DNAH11: variants seen among roughly 807,000 people sequenced by gnomAD.
DNAH11 encodes axonemal beta dynein heavy chain 11.
In DNAH11, 442 loss-of-function variants were observed where a neutral mutation model predicts 526.0. The observed-to-expected ratio is 0.84, with a 90% CI of 0.78 to 0.91. The LOEUF (loss-of-function observed/expected upper bound fraction) is 0.91. Among genes scored for constraint, DNAH11 ranks in the 40% least tolerant of loss-of-function variants. The pLI is 0.00. For synonymous variants in DNAH11, 2,461 were observed against 1,935.9 expected, an observed-to-expected ratio of 1.27 and a Z score of -7.12; for missense variants, 6,989 against 5,448.7, an observed-to-expected ratio of 1.28 and a Z score of -8.90.
At chr7:21,751,155 C>T (rs756873808) in intron 54 of DNAH11, among the ~76,000 whole-genome samples, 6 of 152,110 alleles carry the variant, frequency 3.9e-5, no homozygotes, top group South Asian at 2.1e-4. Flanking sequence ...GAAACCCCAT[C>T]TCTACTAAAA....
intron 7 of DNAH11, 29 bp from the exon 8 acceptor site, chr7:21,571,777 G>T: frequency 6.4e-7 from 1 of 1,561,874 alleles, no homozygotes; most frequent in African/African-American, 1.4e-5. Context: ...CAATGTAGTG[G>T]AAAGGTCTTT....
chr7:21,600,008 A>G lies in DNAH11; in HGVS notation c.2889A>G (p.Arg963=). The change falls in exon 15 of 82, where the codon AGA becomes AGG. Residue 963 remains arginine, a synonymous_variant. Transcript: ENST00000409508. The stretch of plus-strand genomic sequence containing the variant: ...TTGTGTTTAAACCTTCCCTAGACAG[A>G]GAGGCTGGGGATGGCTTCTATGATC... ...PEIVFKPSLD[R]EAGDGFYDLV... 1 of 1,613,446 alleles carries G rather than the reference A, an allele frequency of 6.2e-7. No individual in the cohort carries two copies. Among genetic ancestry groups the G allele is most frequent in the Non-Finnish European group, 8.5e-7 (1 of 1,179,586 alleles).
chr7:21,798,025 T>C (rs1456593031), intron 61 of DNAH11, among the ~76,000 whole-genome samples: 2 of 152,098 alleles, frequency 1.3e-5, no homozygotes, highest in Non-Finnish European at 2.9e-5. Flanking sequence ...CATGAGAAAA[T>C]GTAAAGCTCA....
At chr7:21,548,326 C>T (rs1427727350) in intron 2 of DNAH11, among the ~76,000 whole-genome samples, 5 of 152,090 alleles carry the variant, frequency 3.3e-5, no homozygotes, top group African/African-American at 9.7e-5. Flanking sequence ...CCTTTGAGGG[C>T]GTTCTTAGTA....
chr7:21,642,841 A>T (rs1187441927), intron 28 of DNAH11, among the ~76,000 whole-genome samples: 4 of 152,092 alleles, frequency 2.6e-5, no homozygotes. Flanking sequence ...TTCTGCAAGC[A>T]GAAACCCCCA....
intron 14 of DNAH11, among the ~76,000 whole-genome samples, 197 bp from the exon 15 acceptor site, chr7:21,599,590 A>T (rs1187766244): frequency 6.6e-6 from 1 of 152,234 alleles, no homozygotes; most frequent in Non-Finnish European, 1.5e-5. Context: ...AATGTATTTC[A>T]TGTGTGAACT....
chr7:21,681,141 T>C (rs973543298), intron 30 of DNAH11, among the ~76,000 whole-genome samples: 2 of 152,080 alleles, frequency 1.3e-5, no homozygotes, highest in Non-Finnish European at 2.9e-5. Context: ...TGAAATTGTT[T>C]TGTGGCCAGG....
chr7:21,782,404 T>TA (rs1787984222), intron 57 of DNAH11, among the ~76,000 whole-genome samples: 1 of 152,236 alleles, frequency 6.6e-6, no homozygotes, highest in African/African-American at 2.4e-5. Context: ...TACTGAGATA[T>TA]ACAGAATTTT....
At chr7:21,789,892 C>CTTT (rs1312877014) in intron 61 of DNAH11, among the ~76,000 whole-genome samples, 3 of 138,896 alleles carry the variant, frequency 2.2e-5, no homozygotes, top group African/African-American at 8.3e-5. Context: ...TTCTTTCTTT[C>CTTT]CTTTCCCCTC....
chr7:21,787,702 A>C, intron 60 of DNAH11, 119 bp downstream of exon 60: 1 of 866,978 alleles, frequency 1.2e-6, no homozygotes, highest in Non-Finnish European at 1.7e-6. Context: ...AAGGATATGT[A>C]GTTCTAAGAC....
chr7:21,601,621 A>AATATAATTC lies in DNAH11; in HGVS notation c.3648+4_3648+5insTATAATTCA. ...AGCAGGTCTATATTCAGCTAGAGGT[A>AATATAATTC]AGTGCAGAGGTGAAATAATCATAAT... On this transcript the variant is annotated splice_donor_region_variant and intron_variant, in intron 18 of 81. Coordinates refer to ENST00000409508, the MANE Select transcript of DNAH11 (RefSeq NM_001277115.2). 1 of 1,561,272 alleles carries AATATAATTC rather than the reference A, an allele frequency of 6.4e-7. No individual in the cohort carries two copies. Among genetic ancestry groups the AATATAATTC allele is most frequent in the Non-Finnish European group, 8.7e-7 (1 of 1,149,582 alleles).
intron 9 of DNAH11, among the ~76,000 whole-genome samples, chr7:21,586,389 G>A (rs764750692): frequency 3.3e-5 from 5 of 152,182 alleles, no homozygotes; most frequent in Non-Finnish European, 7.3e-5. Context: ...TGGGAAGAAA[G>A]TTAATCATTT....
At chr7:21,733,324 T>A (rs957705424) in intron 45 of DNAH11, among the ~76,000 whole-genome samples, 1 of 151,900 alleles carries the variant, frequency 6.6e-6, no homozygotes, top group African/African-American at 2.4e-5. Context: ...GGAGGCAGAG[T>A]TTGCAGTGAG....
chr7:21,846,062 G>A (rs1782404724), intron 66 of DNAH11, among the ~76,000 whole-genome samples: 1 of 152,106 alleles, frequency 6.6e-6, no homozygotes, highest in African/African-American at 2.4e-5. Flanking sequence ...AAGAGCAATG[G>A]CTTTTGTATA....
intron 61 of DNAH11, 102 bp downstream of exon 61, chr7:21,789,444 C>A: frequency 1.4e-6 from 1 of 690,082 alleles, no homozygotes; most frequent in East Asian, 2.8e-5. Context: ...CCCTATCAAG[C>A]AGAAAGGAAT....
intron 55 of DNAH11, among the ~76,000 whole-genome samples, chr7:21,772,919 A>G (rs903169346): frequency 6.6e-6 from 1 of 152,262 alleles, no homozygotes; most frequent in South Asian, 2.1e-4. Flanking sequence ...CGTGTGTGCA[A>G]TTTTCCCAAA....
At chr7:21,776,555 T>C (rs1480668021) in intron 56 of DNAH11, among the ~76,000 whole-genome samples, 3 of 152,192 alleles carry the variant, frequency 2.0e-5, no homozygotes, top group Admixed American at 6.5e-5. Context: ...TAAGCACCTT[T>C]TATAGCCAAA....
In DNAH11 at chr7:21,711,867, A is replaced by T; in HGVS notation, c.6983+7A>T. The T allele has an allele frequency of 6.2e-7, 1 of 1,602,158 alleles. No individual in the cohort carries two copies. Among genetic ancestry groups the T allele is most frequent in the East Asian group, 2.2e-5 (1 of 44,464 alleles). ...AAGATCTGGGCTGGAATCCGTGAGT[A>T]TTTCTTTTTGTTTTATTGTAGTAAA... On this transcript the variant is annotated splice_region_variant and intron_variant, in intron 42 of 81. Coordinates refer to ENST00000409508, the MANE Select transcript of DNAH11 (RefSeq NM_001277115.2).
chr7:21,800,537 C>T (rs112346552), intron 61 of DNAH11, among the ~76,000 whole-genome samples: 22 of 152,160 alleles, frequency 1.4e-4, no homozygotes, highest in African/African-American at 3.6e-4. Flanking sequence ...GAGACTGAGG[C>T]GCAGGAATCA....
Sources: allele counts gnomAD v4.1 joint callset (sites outside exome capture counted in the v4.1 genomes callset), GRCh38; gene constraint gnomAD v4.1.1; transcripts MANE v1.5; gene names NCBI Gene and HGNC (gene_info 2026-07-23, HGNC 2026-07-21).